Variants in MTCL1 observed in about 807,000 individuals in gnomAD.
MTCL1 encodes microtubule crosslinking factor 1, also known as microtubule cross-linking factor 1.
In MTCL1, 79 loss-of-function variants were observed where a neutral mutation model predicts 141.4. The ratio of observed to expected loss-of-function variants is 0.56; its 90% CI spans 0.47 to 0.67. The LOEUF (loss-of-function observed/expected upper bound fraction) is 0.67, where lower values mean the gene tolerates loss of function less well. Among genes scored for constraint, MTCL1 ranks in the 30% least tolerant of loss-of-function variants. MTCL1 has a pLI of 0.00. For synonymous variants in MTCL1, 914 were observed against 875.8 expected (o/e 1.04, Z -0.77); for missense variants, 2,177 against 2,113.9 (o/e 1.03, Z -0.59).
In MTCL1 at chr18:8,796,471, A is replaced by G. The variant is rs1055621019; in HGVS notation, c.2241+9A>G. 5 of 1,613,006 alleles carry G rather than the reference A, an allele frequency of 3.1e-6. No homozygotes were observed. In the African/African-American group the frequency reaches 4.0e-5, roughly 13 times the overall value. On this transcript the variant is annotated intron_variant, in intron 9 of 16. Coordinates refer to ENST00000359865, the Ensembl canonical transcript of MTCL1. ...GAGAGGAGTTCACTGAGGTAACTCC[A>G]CTGTCGAATTCCTTTTATTTGCATC...
rs12608120 is a variant in MTCL1 at position 8,743,155 on chromosome 18, C to G, written c.357+22659C>G. Among the ~76,000 whole-genome samples, 661 of 152,300 alleles carry G rather than the reference C, an allele frequency of 4.3e-3. 25 individuals carry two copies. The East Asian group carries it at 0.071, about 16-fold the overall frequency. On this transcript the variant is annotated intron_variant, in intron 4 of 16. Transcript: ENST00000359865. Reference sequence around the variant, plus strand: ...TAGAGAAGATAGTCTAATTGTGATTCATTGATAGTTTCCTGTTCCTTAGTA... The same window carrying G: ...TAGAGAAGATAGTCTAATTGTGATTGATTGATAGTTTCCTGTTCCTTAGTA...
intron 4 of MTCL1, among the ~76,000 whole-genome samples, chr18:8,747,046 C>A (rs570275166): frequency 6.6e-6 from 1 of 152,176 alleles, no homozygotes; most frequent in Non-Finnish European, 1.5e-5. Flanking sequence ...CTCACCCTTC[C>A]GATGTCCTGT....
intron 7 of MTCL1, 97 bp from the exon 7 acceptor site, chr18:8,792,901 G>T (rs1248415790): frequency 1.3e-6 from 2 of 1,518,316 alleles, no homozygotes; most frequent in Admixed American, 1.8e-5. Flanking sequence ...GTGTCGCTCC[G>T]TGTGCGTCCC....
At chr18:8,743,509 A>G (rs1341145215) in intron 4 of MTCL1, among the ~76,000 whole-genome samples, 1 of 152,246 alleles carries the variant, frequency 6.6e-6, no homozygotes, top group African/African-American at 2.4e-5. Flanking sequence ...AGATGTCTGA[A>G]GTGGGCCTGC....
chr18:8,762,263 C>T (rs2096436142), intron 4 of MTCL1, among the ~76,000 whole-genome samples: 1 of 152,242 alleles, frequency 6.6e-6, no homozygotes, highest in Non-Finnish European at 1.5e-5. Context: ...CTCTTGCTGT[C>T]ATGAGGGCAG....
At chr18:8,769,306 T>C (rs1354444376) in intron 4 of MTCL1, among the ~76,000 whole-genome samples, 2 of 152,158 alleles carry the variant, frequency 1.3e-5, no homozygotes, top group Non-Finnish European at 2.9e-5. Context: ...TTCTTGCAGT[T>C]TGGGGGAAGG....
At chr18:8,760,025 C>T (rs577027669) in intron 4 of MTCL1, among the ~76,000 whole-genome samples, 10 of 152,296 alleles carry the variant, frequency 6.6e-5, no homozygotes, top group East Asian at 1.9e-4. Context: ...GTATGAGAAG[C>T]GCTTAGACCC....
chr18:8,826,146 G>A, exon 15 of MTCL1: 2 of 1,613,482 alleles, frequency 1.2e-6, no homozygotes, highest in Non-Finnish European at 1.7e-6. Flanking sequence ...CTTAAAGGAG[G>A]AGAGGAGGCA....
At chr18:8,765,650 TCCCA>T (rs1406152016) in intron 4 of MTCL1, among the ~76,000 whole-genome samples, 4 of 152,214 alleles carry the variant, frequency 2.6e-5, no homozygotes, top group African/African-American at 9.6e-5. Context: ...AAGCCACTCC[TCCCA>T]TGCTTCCTCC....
exon 11 of MTCL1, chr18:8,806,999 A>G (rs374704026): frequency 3.1e-6 from 5 of 1,613,876 alleles, no homozygotes; most frequent in Non-Finnish European, 4.2e-6. Context: ...CAGCAGCAAT[A>G]TGCCAGCGAC....
rs762700145 is a variant in MTCL1, at chr18:8,793,136, G to A, written c.2010+16G>A. The stretch of plus-strand genomic sequence containing the variant: ...GATCCATAAGGTAAATATTTAACAC[G>A]GACTCAGCACAACCGCTTTGTGAAC... On this transcript the variant is annotated intron_variant, in intron 8 of 16. Transcript: ENST00000359865. The A allele has an allele frequency of 3.0e-5, 48 of 1,612,044 alleles. No homozygotes were observed. In the South Asian group the frequency reaches 3.2e-4, roughly 11 times the overall value.
At chr18:8,792,847 G>C in intron 7 of MTCL1, 151 bp from the exon 7 acceptor site, 2 of 1,072,598 alleles carry the variant, frequency 1.9e-6, no homozygotes, top group Non-Finnish European at 2.7e-6. Context: ...AGGCCCCAGC[G>C]GAGCTGCCAC....
chr18:8,734,902 A>T (rs1292363117), intron 4 of MTCL1, among the ~76,000 whole-genome samples: 1 of 152,188 alleles, frequency 6.6e-6, no homozygotes, highest in Non-Finnish European at 1.5e-5. Context: ...TGCCTGCAGC[A>T]TCTCCTTTAC....
intron 7 of MTCL1, chr18:8,789,443 T>C: frequency 1.0e-6 from 1 of 985,474 alleles, no homozygotes; most frequent in Non-Finnish European, 1.2e-6. Flanking sequence ...CTTTTCTGTT[T>C]GTGTTTGAGA....
chr18:8,831,220 T>C, intron 16 of MTCL1: 3 of 1,033,410 alleles, frequency 2.9e-6, no homozygotes, highest in Non-Finnish European at 2.3e-6. Flanking sequence ...TGTAGCTAAA[T>C]AGATCATACA....
chr18:8,726,494 A>AGCGC (rs1158741379), intron 4 of MTCL1, among the ~76,000 whole-genome samples: 11 of 128,400 alleles, frequency 8.6e-5, no homozygotes, highest in African/African-American at 1.8e-4. Context: ...AGAGAGAGAG[A>AGCGC]GCGCGCGCGC....
At chr18:8,716,911 T>C (rs1170437096), upstream of MTCL1, among the ~76,000 whole-genome samples, 6 of 152,158 alleles carry the variant, frequency 3.9e-5, no homozygotes, top group Non-Finnish European at 1.5e-5. Flanking sequence ...CTTTAAATCT[T>C]GTGTAACCCT....
chr18:8,757,315 G>A (rs2096406896), intron 4 of MTCL1, among the ~76,000 whole-genome samples: 1 of 152,134 alleles, frequency 6.6e-6, no homozygotes, highest in Admixed American at 6.5e-5. Context: ...GAAAGCTTCA[G>A]TTCCCTGGAA....
In MTCL1 at chr18:8,830,868, T is replaced by C. The variant is rs1240465553; in HGVS notation, c.*19-739T>C. ...CAAAGTAGCTTGAGAATAAGGATTC[T>C]AGGTGATTTGCACATGGTTGAGTGT... is the stretch of plus-strand genomic sequence containing the variant. On this transcript the variant is annotated intron_variant, in intron 16 of 16. Transcript: ENST00000359865. This position sits in a 1 kb window ranked among gnomAD's most constrained non-coding sequence, Gnocchi z 6.4. 2 of 985,400 alleles carry C rather than the reference T, an allele frequency of 2.0e-6. No individual in the cohort carries two copies. The highest frequency in any genetic ancestry group is 2.4e-6 in the Non-Finnish European group (2 of 829,974). 61.0% of individuals were successfully genotyped at this position (985,400 alleles called of 1,614,324 possible).
Sources: gnomAD v4.1 joint callset for allele counts (sites outside exome capture counted in the v4.1 genomes callset) on GRCh38, gnomAD v4.1.1 for gene constraint, Gnocchi (gnomAD v3.1) non-coding constraint, MANE v1.5 for transcripts, NCBI Gene and HGNC (gene_info 2026-07-23, HGNC 2026-07-21) for gene names.